Variants in TMEFF2 observed in about 807,000 individuals in gnomAD.
TMEFF2 encodes the protein tomoregulin-2.
In TMEFF2, 28 loss-of-function variants were observed where a neutral mutation model predicts 53.8. That is an observed-to-expected ratio of 0.52 (90% CI 0.39 to 0.71). TMEFF2 has a LOEUF of 0.71. Ranked by LOEUF, TMEFF2 falls within the 30% of genes least tolerant of loss-of-function variation. TMEFF2 has a pLI of 0.00. For synonymous variants in TMEFF2, 162 were observed against 166.3 expected, an observed-to-expected ratio of 0.97 and a Z score of 0.20; for missense variants, 353 against 455.2, an observed-to-expected ratio of 0.78 and a Z score of 2.04.
chr2:192,096,645 C>CT (rs962373707), intron 4 of TMEFF2, among the ~76,000 whole-genome samples: 2 of 27,536 alleles, frequency 7.3e-5, no homozygotes, highest in African/African-American at 1.4e-4. Flanking sequence ...TTTCTTCTTC[C>CT]TTCCTTCTCT....
chr2:192,050,951 T>C (rs1466329822), intron 5 of TMEFF2, among the ~76,000 whole-genome samples: 1 of 152,106 alleles, frequency 6.6e-6, no homozygotes. Flanking sequence ...GAGCTGTATG[T>C]GCACTCCCCA....
chr2:192,194,602 G>A lies in TMEFF2; in HGVS notation c.-78C>T. On this transcript the variant is annotated 5_prime_UTR_variant, in exon 1 of 10. It introduces an in-frame stop codon into an upstream open reading frame of the 5' UTR. Transcript: ENST00000272771. The surrounding 1 kb of genome is among the most constrained non-coding windows in gnomAD (Gnocchi z 4.2). ...CGCGGGGGCCGGGCAGCGGGCTACT[G>A]AGCATCCCGCGGACGGCGGCAGCAG... The A allele has an allele frequency of 6.5e-7, 1 of 1,530,564 alleles. No individual in the cohort carries two copies. The highest frequency in any genetic ancestry group is 8.9e-7 in the Non-Finnish European group (1 of 1,126,336). 94.8% of individuals were successfully genotyped at this position (1,530,564 alleles called of 1,614,324 possible).
chr2:191,953,642 C>T (rs371820865), intron 9 of TMEFF2, 37 bp downstream of exon 9: 5 of 1,603,974 alleles, frequency 3.1e-6, no homozygotes, highest in Non-Finnish European at 4.3e-6. Context: ...AACAATATAT[C>T]CCTTTATTTG....
intron 2 of TMEFF2, among the ~76,000 whole-genome samples, chr2:192,188,417 ATGAG>A (rs1212913181): frequency 6.6e-6 from 1 of 152,208 alleles, no homozygotes; most frequent in African/African-American, 2.4e-5. Context: ...AGTCAGACAT[ATGAG>A]TGAGAACCCT....
At chr2:192,137,459 C>T (rs1275325971) in intron 4 of TMEFF2, among the ~76,000 whole-genome samples, 4 of 152,102 alleles carry the variant, frequency 2.6e-5, no homozygotes, top group Middle Eastern at 3.2e-3. Flanking sequence ...TACAGAGAGC[C>T]TCATATGCCA....
At chr2:192,124,449 T>C (rs1278438267) in intron 4 of TMEFF2, among the ~76,000 whole-genome samples, 2 of 152,202 alleles carry the variant, frequency 1.3e-5, no homozygotes, top group Non-Finnish European at 2.9e-5. Context: ...GAGGGTCACC[T>C]GACAAAGGCC....
intron 4 of TMEFF2, among the ~76,000 whole-genome samples, chr2:192,128,614 T>G (rs890601479): frequency 6.6e-6 from 1 of 152,148 alleles, no homozygotes; most frequent in African/African-American, 2.4e-5. Flanking sequence ...TCACTTTTAA[T>G]AGGAAGAAAG....
chr2:192,057,297 C>T (rs527778482), intron 5 of TMEFF2, among the ~76,000 whole-genome samples: 1 of 152,318 alleles, frequency 6.6e-6, no homozygotes, highest in African/African-American at 2.4e-5. Flanking sequence ...ATCCTCCTGC[C>T]TTGGCCTCCC....
chr2:191,950,359 C>A lies in TMEFF2; in HGVS notation c.1077G>T (p.Gly359=). The A allele has an allele frequency of 3.7e-6, 6 of 1,613,686 alleles. No homozygotes were observed. Among genetic ancestry groups the A allele is most frequent in the Non-Finnish European group, 5.1e-6 (6 of 1,179,844 alleles). Reference sequence around the variant, plus strand: ...TTGTTGTATTGTCTGAACTGTAGTGCCCTGTATTTTGCTTCTGTCTGTGAA... The same window carrying A: ...TTGTTGTATTGTCTGAACTGTAGTGACCTGTATTTTGCTTCTGTCTGTGAA... ...NRIHRQKQNT[G]HYSSDNTTRA... is the part of the protein sequence containing the mutation. Residue 359 remains glycine, a synonymous_variant, in exon 10 of 10, where the codon GGG becomes GGT. Coordinates refer to ENST00000272771, the MANE Select transcript of TMEFF2 (RefSeq NM_016192.4).
At chr2:192,064,040 A>G (rs562597329) in intron 4 of TMEFF2, among the ~76,000 whole-genome samples, 15 of 151,880 alleles carry the variant, frequency 9.9e-5, no homozygotes, top group South Asian at 8.3e-4. Context: ...AATTATTGAC[A>G]TGTTTAGTTT....
chr2:192,110,970 G>A (rs1689261629), intron 4 of TMEFF2, among the ~76,000 whole-genome samples: 1 of 152,170 alleles, frequency 6.6e-6, no homozygotes, highest in African/African-American at 2.4e-5. Context: ...CTTGCCTGCT[G>A]CGATGTAAGA....
intron 5 of TMEFF2, among the ~76,000 whole-genome samples, chr2:192,015,733 T>C (rs2105854601): frequency 6.6e-6 from 1 of 152,276 alleles, no homozygotes; most frequent in Middle Eastern, 3.4e-3. Flanking sequence ...AGAAAATACA[T>C]GTGATTTTAC....
intron 7 of TMEFF2, among the ~76,000 whole-genome samples, chr2:191,960,451 G>C (rs1011203829): frequency 6.6e-5 from 10 of 152,050 alleles, no homozygotes; most frequent in African/African-American, 2.2e-4. Flanking sequence ...CTGAATTTCT[G>C]TTTATTTTTT....
At chr2:192,093,815 T>TA (rs2105936991) in intron 4 of TMEFF2, among the ~76,000 whole-genome samples, 1 of 128,560 alleles carries the variant, frequency 7.8e-6, no homozygotes, top group African/African-American at 2.5e-5. Context: ...AAAAGGAATA[T>TA]ATTTCTTAAA....
intron 3 of TMEFF2, among the ~76,000 whole-genome samples, chr2:192,180,489 TC>T (rs2106035073): frequency 6.6e-6 from 1 of 151,842 alleles, no homozygotes; most frequent in Admixed American, 6.6e-5. Context: ...AGTGTAGACA[TC>T]ATCTTCCTTC....
chr2:192,025,877 CA>C (rs1312665292), intron 5 of TMEFF2, among the ~76,000 whole-genome samples: 3 of 152,132 alleles, frequency 2.0e-5, no homozygotes, highest in African/African-American at 7.2e-5. Flanking sequence ...CCGCTTAATA[CA>C]AAGAGAAAAA....
At chr2:191,970,644 T>G (rs1192790274) in intron 7 of TMEFF2, among the ~76,000 whole-genome samples, 1 of 152,132 alleles carries the variant, frequency 6.6e-6, no homozygotes. Context: ...ATAATAAATT[T>G]CTGTAGTTTT....
intron 4 of TMEFF2, among the ~76,000 whole-genome samples, chr2:192,114,706 TG>T (rs1242198375): frequency 6.6e-6 from 1 of 151,812 alleles, no homozygotes; most frequent in African/African-American, 2.4e-5. Flanking sequence ...ATAAAATACT[TG>T]TAAATAAACT....
rs1333997486 is a variant in TMEFF2, at chr2:191,949,637, C to T, written c.*674G>A. 1 of 985,220 alleles carries T rather than the reference C, an allele frequency of 1.0e-6. No individual in the cohort carries two copies. The highest frequency in any genetic ancestry group is 1.1e-4 in the East Asian group (1 of 8,802). The allele number at this position is 985,220 out of a possible 1,614,324, so 61.0% of individuals were successfully genotyped here. ...TTCTAAGCTACTTCCCCAATAAAAA[C>T]CAATATTTTCTTTCCCTCTCCTTTA... On this transcript the variant is annotated 3_prime_UTR_variant, in exon 10 of 10. Transcript: ENST00000272771.
Sources: allele counts gnomAD v4.1 joint callset (sites outside exome capture counted in the v4.1 genomes callset), GRCh38; gene constraint gnomAD v4.1.1; non-coding constraint Gnocchi (gnomAD v3.1); transcripts MANE v1.5; gene names NCBI Gene and HGNC (gene_info 2026-07-23, HGNC 2026-07-21).